The following SGCD variants were observed in gnomAD, a reference collection of about 807,000 sequenced individuals.
The protein encoded by SGCD is delta-sarcoglycan.
SGCD carries 18 observed loss-of-function variants against 36.6 expected under a neutral mutation model. The ratio of observed to expected loss-of-function variants is 0.49; its 90% CI spans 0.34 to 0.73. The LOEUF (loss-of-function observed/expected upper bound fraction) is 0.73. Among genes scored for constraint, SGCD ranks in the 30% least tolerant of loss-of-function variants. SGCD has a pLI of 0.01. For missense variants in SGCD, 387 were observed against 346.7 expected (o/e 1.12, Z -0.92); for synonymous variants, 133 against 130.6 (o/e 1.02, Z -0.12).
intron 7 of SGCD, among the ~76,000 whole-genome samples, chr5:156,698,553 C>T (rs1754406087): frequency 6.6e-6 from 1 of 152,212 alleles, no homozygotes; most frequent in Non-Finnish European, 1.5e-5. Flanking sequence ...GTATTCTGAA[C>T]AGATGGTATT....
chr5:156,419,835 A>G lies in SGCD; in HGVS notation c.192+75158A>G, dbSNP rs527280832. On this transcript the variant is annotated intron_variant, in intron 3 of 8. Coordinates refer to ENST00000337851, the MANE Select transcript of SGCD (RefSeq NM_000337.6). ...ATGGCAGAATAGGCATTCCATCTGCATAAGTGATAGTTGCCAAGGTGAGTG... is the reference window on the plus strand; with the variant it reads ...ATGGCAGAATAGGCATTCCATCTGCGTAAGTGATAGTTGCCAAGGTGAGTG... Among the ~76,000 whole-genome samples the G allele has an allele frequency of 1.3e-3, 199 of 152,280 alleles. 1 individual carries two copies. The highest frequency in any genetic ancestry group is 4.3e-3 in the African/African-American group (179 of 41,568).
At chr5:156,744,089 T>C (rs1272544544) in intron 7 of SGCD, among the ~76,000 whole-genome samples, 1 of 152,234 alleles carries the variant, frequency 6.6e-6, no homozygotes, top group Non-Finnish European at 1.5e-5. Context: ...TTCTGGAGGC[T>C]GAGGCAAGAT....
chr5:156,236,509 G>T (rs1466798810), intron 3 of SGCD, among the ~76,000 whole-genome samples: 2 of 151,518 alleles, frequency 1.3e-5, no homozygotes, highest in East Asian at 1.9e-4. Flanking sequence ...GAGTGCAGTG[G>T]TGCCATCTCT....
At chr5:156,023,978 C>T (rs780434715) in intron 1 of SGCD, among the ~76,000 whole-genome samples, 1 of 152,168 alleles carries the variant, frequency 6.6e-6, no homozygotes, top group African/African-American at 2.4e-5. Context: ...CAGAAAGGCT[C>T]TTAGGACAGG....
chr5:155,951,665 GA>G (rs1015312804), intron 1 of SGCD, among the ~76,000 whole-genome samples: 6 of 150,474 alleles, frequency 4.0e-5, no homozygotes, highest in South Asian at 4.2e-4. Flanking sequence ...TATTGAAATG[GA>G]AAAAAAAATA....
chr5:156,327,854 A>G (rs1767881214), intron 1 of SGCD, among the ~76,000 whole-genome samples: 1 of 152,194 alleles, frequency 6.6e-6, no homozygotes, highest in South Asian at 2.1e-4. Flanking sequence ...CTGGATCAAC[A>G]TTTGTAATTC....
intron 1 of SGCD, among the ~76,000 whole-genome samples, chr5:155,884,918 C>T (rs543289420): frequency 8.6e-6 from 1 of 116,912 alleles, no homozygotes; most frequent in South Asian, 2.5e-4. Context: ...ATAATGACAA[C>T]GACGATAACT....
chr5:156,574,528 A>G (rs1482771195), intron 4 of SGCD, among the ~76,000 whole-genome samples: 1 of 152,156 alleles, frequency 6.6e-6, no homozygotes, highest in African/African-American at 2.4e-5. Context: ...TAGGATGTTA[A>G]TTCAGGGCTC....
At chr5:155,730,720 C>A in the SGCD span, among the ~76,000 whole-genome samples, 14 of 152,142 alleles carry the variant, frequency 9.2e-5, no homozygotes, top group African/African-American at 3.1e-4. Flanking sequence ...ACAAAAGAAC[C>A]CTCTGCTGTT....
chr5:155,812,996 A>C, the SGCD span, among the ~76,000 whole-genome samples: 1 of 151,704 alleles, frequency 6.6e-6, no homozygotes, highest in African/African-American at 2.4e-5. Context: ...GTCTTTGGGC[A>C]TCTTATTTTT....
chr5:156,071,695 T>C (rs1435492147), intron 1 of SGCD, among the ~76,000 whole-genome samples: 2 of 152,198 alleles, frequency 1.3e-5, no homozygotes, highest in African/African-American at 4.8e-5. Context: ...TTGTTAACTT[T>C]CTGTCTCATT....
intron 5 of SGCD, among the ~76,000 whole-genome samples, chr5:156,594,596 G>A (rs1389784544): frequency 6.6e-6 from 1 of 152,150 alleles, no homozygotes; most frequent in Non-Finnish European, 1.5e-5. Flanking sequence ...AGAAATGCAA[G>A]CAAAAATCCA....
chr5:156,373,187 G>C (rs939341515), intron 3 of SGCD, among the ~76,000 whole-genome samples: 1 of 152,178 alleles, frequency 6.6e-6, no homozygotes, highest in African/African-American at 2.4e-5. Context: ...TTACAGAAGA[G>C]TGTAATTTTC....
Position 156,269,469 on chromosome 5 carries a change from CAAAAAAAAAAAAAAAAAAAAAAA to C in SGCD, c.-43-60046_-43-60024del, listed in dbSNP as rs60893052. On this transcript the variant is annotated intron_variant, in intron 3 of 9. Transcript: ENST00000517913. ...TAGGGGACAGAGTGAGACTCCGTCT[CAAAAAAAAAAAAAAAAAAAAAAA>C]AAAAAAAAAAAAAAAAAACCATCAG... is the stretch of plus-strand genomic sequence containing the variant. 4.3e-4 allele frequency among the ~76,000 whole-genome samples: 13 copies of C among 30,474 alleles called. No homozygotes were observed. In the South Asian group the frequency reaches 5.7e-3, roughly 13 times the overall value. The allele number at this position is 30,474 out of a possible 152,430, so 20.0% of individuals were successfully genotyped here.
At position 156,761,403 on chromosome 5, in the gene SGCD, A is replaced by T. The variant is rs1442919564; in HGVS notation, c.*2013A>T. 6.6e-6 allele frequency: 1 copy of T among 152,214 alleles called. No homozygotes were observed. The highest frequency in any genetic ancestry group is 1.5e-5 in the Non-Finnish European group (1 of 68,056). The allele number at this position is 152,214 out of a possible 1,614,324, so 9.4% of individuals were successfully genotyped here. A position where few individuals can be genotyped will look rare whatever the true frequency, so the allele number is the denominator to read the frequency against. ...ACCCCGTGATTGGTTGGTTTGTAGC[A>T]CTAAGGTCTAAAAAGGAAAACCATA... On this transcript the variant is annotated 3_prime_UTR_variant, in exon 9 of 9. Transcript: ENST00000337851.
chr5:156,568,805 C>T (rs1212740296), intron 4 of SGCD, among the ~76,000 whole-genome samples: 1 of 152,172 alleles, frequency 6.6e-6, no homozygotes, highest in Non-Finnish European at 1.5e-5. Flanking sequence ...CATTAATGAA[C>T]CACATTTGTT....
At chr5:155,736,616 A>T in the SGCD span, among the ~76,000 whole-genome samples, 1 of 152,118 alleles carries the variant, frequency 6.6e-6, no homozygotes, top group Non-Finnish European at 1.5e-5. Context: ...TAATAACTAG[A>T]CCTAATATCT....
intron 1 of SGCD, among the ~76,000 whole-genome samples, chr5:155,999,672 T>C (rs539775068): frequency 6.6e-6 from 1 of 152,326 alleles, no homozygotes; most frequent in African/African-American, 2.4e-5. Flanking sequence ...GTGTCTTTCG[T>C]CTTCCTTAGA....
At chr5:155,964,832 G>A (rs6556227) in intron 1 of SGCD, among the ~76,000 whole-genome samples, 6,546 of 152,212 alleles carry the variant, frequency 0.043, 484 homozygotes, top group African/African-American at 0.15. Context: ...CCTACAGCTA[G>A]GGTATTTGCC....
Sources: gnomAD v4.1 joint callset for allele counts (sites outside exome capture counted in the v4.1 genomes callset) on GRCh38, gnomAD v4.1.1 for gene constraint, MANE v1.5 for transcripts, NCBI Gene and HGNC (gene_info 2026-07-23, HGNC 2026-07-21) for gene names.